RAB3D: variants seen among roughly 807,000 people sequenced by gnomAD.
RAB3D encodes RAB3D, member RAS oncogene family.
A neutral mutation model predicts 19.3 loss-of-function variants in RAB3D; 17 were observed. The observed-to-expected ratio is 0.88, with a 90% confidence interval of 0.60 to 1.32. The LOEUF is 1.32. Among genes scored for constraint, RAB3D ranks in the 40% most tolerant of loss-of-function variants. The pLI, the probability that RAB3D is intolerant of heterozygous loss-of-function variation, is 0.00. For synonymous variants in RAB3D, 103 were observed against 119.9 expected, an observed-to-expected ratio of 0.86 and a Z score of 0.92; for missense variants, 223 against 299.1, an observed-to-expected ratio of 0.75 and a Z score of 1.88.
At chr19:11,329,299 G>A (rs1034596261) in intron 4 of RAB3D, among the ~76,000 whole-genome samples, 1 of 151,976 alleles carries the variant, frequency 6.6e-6, no homozygotes, top group Non-Finnish European at 1.5e-5. Context: ...ATGTGTGTCT[G>A]GCTTTTTTTC....
chr19:11,338,488 C>T (rs1216871036), intron 1 of RAB3D, among the ~76,000 whole-genome samples: 3 of 152,272 alleles, frequency 2.0e-5, no homozygotes, highest in East Asian at 1.9e-4. Flanking sequence ...GGGCGCCTGC[C>T]GCCCACCAAC....
chr19:11,335,895 G>T, intron 2 of RAB3D, 112 bp from the exon 3 acceptor site: 1 of 983,058 alleles, frequency 1.0e-6, no homozygotes, highest in Non-Finnish European at 1.6e-6. Context: ...GGGAGACACA[G>T]ACTTGCTTGT....
rs2080849464 is a variant in RAB3D at position 11,335,531 on chromosome 19, C to T, written c.388G>A (p.Val130Ile). 1.9e-6 allele frequency: 3 copies of T among 1,614,198 alleles called. No individual in the cohort carries two copies. The highest frequency in any genetic ancestry group is 2.5e-6 in the Non-Finnish European group (3 of 1,180,028). Reference sequence around the variant, plus strand: ...TCACACTTGTTCCCCACCAGGATGACCTGGGCGTTGTCCCAGGAGTAGGTC... The same window carrying T: ...TCACACTTGTTCCCCACCAGGATGATCTGGGCGTTGTCCCAGGAGTAGGTC... ...IKTYSWDNAQ[V>I]ILVGNKCDLE... Residue 130 changes from valine (V) to isoleucine (I), a missense_variant, in exon 4 of 5, where the codon GTC becomes ATC. Coordinates refer to ENST00000222120, the MANE Select transcript of RAB3D (RefSeq NM_004283.4).
chr19:11,331,055 G>A (rs1212013528), intron 4 of RAB3D, among the ~76,000 whole-genome samples: 6 of 151,904 alleles, frequency 3.9e-5, no homozygotes, highest in Non-Finnish European at 7.4e-5. Flanking sequence ...TGGTTGGGAG[G>A]TTGAGGCGGG....
chr19:11,329,476 A>C (rs2080828319), intron 4 of RAB3D, among the ~76,000 whole-genome samples: 1 of 150,254 alleles, frequency 6.7e-6, no homozygotes, highest in Non-Finnish European at 1.5e-5. Flanking sequence ...GCGTGGTGGC[A>C]CATGCCTGTA....
intron 1 of RAB3D, among the ~76,000 whole-genome samples, chr19:11,337,976 A>G (rs1966912790): frequency 6.6e-6 from 1 of 151,942 alleles, no homozygotes; most frequent in Admixed American, 6.6e-5. Context: ...CCCGACCTAA[A>G]ATGTGTTTCT....
rs2080850485 is a variant in RAB3D, at chr19:11,335,716, A to G, written c.296T>C (p.Leu99Pro). The change falls in exon 3 of 5, where the codon CTG (leucine) becomes CCG (proline). Residue 99 changes from leucine (L) to proline (P), a missense_variant. Transcript: ENST00000222120. ...TAYYRGAMGF[L>P]LMYDIANQES... ...CTGATTGGCGATGTCATACATGAGCAGGAAGCCCATGGCTCCCCGGTAGTA... is the reference window on the plus strand; with the variant it reads ...CTGATTGGCGATGTCATACATGAGCGGGAAGCCCATGGCTCCCCGGTAGTA... 6.2e-7 allele frequency: 1 copy of G among 1,614,112 alleles called. No homozygotes were observed.
intron 4 of RAB3D, among the ~76,000 whole-genome samples, chr19:11,327,457 G>A (rs1041286281): frequency 7.9e-5 from 12 of 152,108 alleles, no homozygotes; most frequent in South Asian, 6.2e-4. Flanking sequence ...GGAGTGTAAC[G>A]GCACGATCTC....
In RAB3D at chr19:11,337,292, A is replaced by T. The variant is rs766292263; in HGVS notation, c.108T>A (p.Thr36=). 1 of 1,614,114 alleles carries T rather than the reference A, an allele frequency of 6.2e-7. No individual in the cohort carries two copies. Among genetic ancestry groups the T allele is most frequent in the South Asian group, 1.1e-5 (1 of 91,076 alleles). The change falls in exon 2 of 5, where the codon ACT becomes ACA. Residue 36 remains threonine (T), a synonymous_variant. Coordinates refer to ENST00000222120, the MANE Select transcript of RAB3D (RefSeq NM_004283.4). ...CGTCCGCGTATCGGAACAGGAAGGAAGTCTTGCCCACACTGCTGTTGCCTA... is the reference window on the plus strand; with the variant it reads ...CGTCCGCGTATCGGAACAGGAAGGATGTCTTGCCCACACTGCTGTTGCCTA... ...LLIGNSSVGK[T]SFLFRYADDS...
intron 4 of RAB3D, among the ~76,000 whole-genome samples, chr19:11,329,027 C>T (rs1334366088): frequency 1.3e-5 from 2 of 151,102 alleles, no homozygotes; most frequent in African/African-American, 4.9e-5. Context: ...GACTCTTGGG[C>T]CCCCCTCAGT....
intron 2 of RAB3D, among the ~76,000 whole-genome samples, chr19:11,336,795 C>T (rs7246295): frequency 0.022 from 3,323 of 151,768 alleles, 127 homozygotes; most frequent in African/African-American, 0.077. Context: ...ATGGTGAAAC[C>T]CCATCTCTAT....
chr19:11,325,713 G>A, intron 4 of RAB3D, 128 bp from the exon 5 acceptor site: 1 of 827,348 alleles, frequency 1.2e-6, no homozygotes, highest in Non-Finnish European at 1.9e-6. Context: ...TTGGTTGTGT[G>A]CCTTTGCCAC....
At chr19:11,330,970 C>T (rs964878573) in intron 4 of RAB3D, among the ~76,000 whole-genome samples, 4 of 150,266 alleles carry the variant, frequency 2.7e-5, no homozygotes, top group Non-Finnish European at 4.4e-5. Context: ...GAGTTATGAT[C>T]GTGCCACTGC....
intron 4 of RAB3D, 56 bp downstream of exon 4, chr19:11,335,391 G>A (rs2080848610): frequency 6.2e-7 from 1 of 1,603,112 alleles, no homozygotes; most frequent in East Asian, 2.2e-5. Context: ...TCAGAGGATG[G>A]GGATGAGGGT....
chr19:11,331,978 A>C (rs445733), intron 4 of RAB3D, among the ~76,000 whole-genome samples: 7,948 of 152,288 alleles, frequency 0.052, 286 homozygotes, highest in African/African-American at 0.11. Flanking sequence ...TTGAGACCTA[A>C]TTAAGCTGAA....
At chr19:11,328,530 C>T (rs998282735) in intron 4 of RAB3D, among the ~76,000 whole-genome samples, 5 of 151,858 alleles carry the variant, frequency 3.3e-5, no homozygotes, top group Non-Finnish European at 5.9e-5. Flanking sequence ...GCCTGCAGTC[C>T]CAGCTACTCA....
chr19:11,336,974 GA>G (rs71164191), intron 2 of RAB3D, among the ~76,000 whole-genome samples, 197 bp downstream of exon 2: 5,497 of 90,164 alleles, frequency 0.061, 351 homozygotes, highest in African/African-American at 0.19. Flanking sequence ...TGTCTCGAGA[GA>G]AAAAAAAAAA....
intron 4 of RAB3D, among the ~76,000 whole-genome samples, chr19:11,329,134 G>GTC (rs1272557663): frequency 3.3e-5 from 5 of 151,812 alleles, no homozygotes; most frequent in Non-Finnish European, 5.9e-5. Flanking sequence ...GCCCATGCTG[G>GTC]TCTCTAACTG....
chr19:11,333,090 T>C (rs927969218), intron 4 of RAB3D, among the ~76,000 whole-genome samples: 1 of 151,632 alleles, frequency 6.6e-6, no homozygotes, highest in African/African-American at 2.4e-5. Flanking sequence ...CTTTTTTTTT[T>C]TTTTTTTGAG....
Sources: allele counts gnomAD v4.1 joint callset (sites outside exome capture counted in the v4.1 genomes callset), GRCh38; gene constraint gnomAD v4.1.1; transcripts MANE v1.5; gene names NCBI Gene and HGNC (gene_info 2026-07-23, HGNC 2026-07-21).